The following ALDH1A2 variants were observed in gnomAD, a reference collection of about 807,000 sequenced individuals.
The protein encoded by ALDH1A2 is retinal dehydrogenase 2.
In ALDH1A2, 27 loss-of-function variants were observed where a neutral mutation model predicts 60.3. The observed-to-expected ratio is 0.45, with a 90% confidence interval of 0.33 to 0.62. ALDH1A2 has a LOEUF of 0.62. Ranked by LOEUF, ALDH1A2 falls within the 20% of genes least tolerant of loss-of-function variation. The pLI is 0.02. For missense variants in ALDH1A2, 581 were observed against 643.8 expected (o/e 0.90, Z 1.06); for synonymous variants, 289 against 232.4 (o/e 1.24, Z -2.21).
At chr15:58,000,091 A>G (rs1196628036) in intron 4 of ALDH1A2, among the ~76,000 whole-genome samples, 1 of 151,960 alleles carries the variant, frequency 6.6e-6, no homozygotes, top group Non-Finnish European at 1.5e-5. Flanking sequence ...CAAGATAAAT[A>G]GCTAATGCAT....
chr15:58,062,523 CTAAT>C (rs1566965006), intron 1 of ALDH1A2, among the ~76,000 whole-genome samples: 2 of 152,112 alleles, frequency 1.3e-5, no homozygotes, highest in East Asian at 1.9e-4. Context: ...AAAAGTCAGA[CTAAT>C]AAAATAGACA....
rs533424665 is a variant in ALDH1A2 at position 58,048,618 on chromosome 15, G to T, written c.117+16916C>A. On this transcript the variant is annotated intron_variant, in intron 1 of 12. Coordinates refer to ENST00000249750, the MANE Select transcript of ALDH1A2 (RefSeq NM_003888.4). ...TTATTTTGGGTCATTCAGATTAAAGGGTCCAGGGGAATTACGGTGACCTAT... is the reference window on the plus strand; with the variant it reads ...TTATTTTGGGTCATTCAGATTAAAGTGTCCAGGGGAATTACGGTGACCTAT... Among the ~76,000 whole-genome samples the T allele has an allele frequency of 1.6e-3, 246 of 152,042 alleles. 1 individual carries two copies. The highest frequency in any genetic ancestry group is 0.011 in the Admixed American group (162 of 15,250).
chr15:58,018,420 G>T (rs762277034), intron 1 of ALDH1A2, among the ~76,000 whole-genome samples: 7 of 151,886 alleles, frequency 4.6e-5, no homozygotes, highest in Non-Finnish European at 1.0e-4. Context: ...AGAGATGATG[G>T]GATTAGATGA....
intron 1 of ALDH1A2, among the ~76,000 whole-genome samples, chr15:58,021,225 T>A (rs1465384594): frequency 1.3e-5 from 2 of 152,184 alleles, no homozygotes; most frequent in Admixed American, 1.3e-4. Context: ...ACTTTTTGAG[T>A]TGGGGAGGGT....
chr15:57,989,866 A>C (rs1290597966), intron 7 of ALDH1A2, among the ~76,000 whole-genome samples: 1 of 152,210 alleles, frequency 6.6e-6, no homozygotes, highest in East Asian at 1.9e-4. Context: ...AAGTACTGAA[A>C]GAAAATATTA....
intron 4 of ALDH1A2, among the ~76,000 whole-genome samples, chr15:57,999,142 C>A (rs1895170434): frequency 6.6e-6 from 1 of 152,138 alleles, no homozygotes; most frequent in East Asian, 1.9e-4. Flanking sequence ...TGGGCATAGG[C>A]AAGATTGCAT....
At chr15:58,001,736 A>G (rs1030965082) in intron 4 of ALDH1A2, among the ~76,000 whole-genome samples, 3 of 151,892 alleles carry the variant, frequency 2.0e-5, no homozygotes, top group African/African-American at 7.2e-5. Context: ...GCCTGATATA[A>G]AAACAGTCTC....
chr15:58,044,023 A>AC (rs1896580522), intron 1 of ALDH1A2, among the ~76,000 whole-genome samples: 1 of 151,610 alleles, frequency 6.6e-6, no homozygotes, highest in Non-Finnish European at 1.5e-5. Context: ...TAAAGAACGA[A>AC]CCCCCCATAT....
intron 1 of ALDH1A2, among the ~76,000 whole-genome samples, chr15:58,061,758 C>T (rs1215773860): frequency 1.3e-5 from 2 of 152,130 alleles, no homozygotes; most frequent in Admixed American, 1.3e-4. Flanking sequence ...TCTACTCTCT[C>T]TCCTTCAAAA....
chr15:58,046,104 C>A (rs1008716341), intron 1 of ALDH1A2, among the ~76,000 whole-genome samples: 4 of 152,008 alleles, frequency 2.6e-5, no homozygotes, highest in Non-Finnish European at 5.9e-5. Flanking sequence ...CTCCCTGCAA[C>A]AAAGGCTTTC....
intron 3 of ALDH1A2, among the ~76,000 whole-genome samples, chr15:58,012,342 A>C (rs552898947): frequency 6.6e-6 from 1 of 152,282 alleles, no homozygotes; most frequent in South Asian, 2.1e-4. Context: ...ATGTGCTAAG[A>C]ACCATGCTAG....
chr15:58,004,573 G>T (rs1361594009), intron 4 of ALDH1A2, among the ~76,000 whole-genome samples: 2 of 151,236 alleles, frequency 1.3e-5, no homozygotes, highest in Non-Finnish European at 3.0e-5. Flanking sequence ...GAAAGCATGT[G>T]GTATTAGTTT....
chr15:57,990,337 T>A (rs1894851981), intron 7 of ALDH1A2: 1 of 152,150 alleles, frequency 6.6e-6, no homozygotes, highest in South Asian at 2.1e-4. Context: ...GTGTATACAG[T>A]TACAGATTTA....
At chr15:57,968,668 A>G (rs1264253466) in intron 7 of ALDH1A2, among the ~76,000 whole-genome samples, 1 of 152,240 alleles carries the variant, frequency 6.6e-6, no homozygotes, top group Non-Finnish European at 1.5e-5. Context: ...TATTCAAGAA[A>G]CAAGCAAAAG....
At chr15:58,030,933 T>C (rs914915463) in intron 1 of ALDH1A2, among the ~76,000 whole-genome samples, 1 of 152,060 alleles carries the variant, frequency 6.6e-6, no homozygotes, top group African/African-American at 2.4e-5. Context: ...GAAGAATCAA[T>C]ATTGTAAAAA....
Position 58,013,811 on chromosome 15 carries a change from A to C in ALDH1A2, c.363+47T>G, listed in dbSNP as rs535502130. The C allele has an allele frequency of 6.8e-6, 11 of 1,610,462 alleles. No homozygotes were observed. In the South Asian group the frequency reaches 7.8e-5, roughly 11 times the overall value. Reference sequence around the variant, plus strand: ...AGCCGAAGAATGTAAATTTCAGCAGAATGGCAAATGTGGGTTAAAGACTTA... The same window carrying C: ...AGCCGAAGAATGTAAATTTCAGCAGCATGGCAAATGTGGGTTAAAGACTTA... On this transcript the variant is annotated intron_variant, in intron 3 of 12. Coordinates refer to ENST00000249750, the MANE Select transcript of ALDH1A2 (RefSeq NM_003888.4).
At chr15:57,981,870 C>T (rs745996043) in intron 7 of ALDH1A2, among the ~76,000 whole-genome samples, 10 of 152,190 alleles carry the variant, frequency 6.6e-5, no homozygotes, top group Non-Finnish European at 1.2e-4. Context: ...ATGTCCCAGA[C>T]TGGATACCTA....
At chr15:57,971,839 T>C (rs1217505981) in intron 7 of ALDH1A2, among the ~76,000 whole-genome samples, 1 of 152,212 alleles carries the variant, frequency 6.6e-6, no homozygotes, top group Non-Finnish European at 1.5e-5. Flanking sequence ...ATCCCGCCAT[T>C]CAGCCCCTTG....
intron 7 of ALDH1A2, among the ~76,000 whole-genome samples, chr15:57,979,270 C>T (rs555640311): frequency 6.6e-6 from 1 of 152,274 alleles, no homozygotes; most frequent in Non-Finnish European, 1.5e-5. Context: ...ACTGTCCCCA[C>T]CCCATTCCTC....
Sources: allele counts gnomAD v4.1 joint callset (sites outside exome capture counted in the v4.1 genomes callset), GRCh38; gene constraint gnomAD v4.1.1; transcripts MANE v1.5; gene names NCBI Gene and HGNC (gene_info 2026-07-23, HGNC 2026-07-21).